The following RBMS3 variants were observed in gnomAD, a reference collection of about 807,000 sequenced individuals.
RBMS3 encodes RNA binding motif single stranded interacting protein 3, also known as RNA-binding motif, single-stranded-interacting protein 3.
A neutral mutation model predicts 66.8 loss-of-function variants in RBMS3; 27 were observed. The ratio of observed to expected loss-of-function variants is 0.40; its 90% CI spans 0.30 to 0.56. RBMS3 has a LOEUF of 0.56. Among genes scored for constraint, RBMS3 ranks in the 20% least tolerant of loss-of-function variants. The pLI, the probability that RBMS3 is intolerant of heterozygous loss-of-function variation, is 0.40. For synonymous variants in RBMS3, 188 were observed against 183.0 expected, an observed-to-expected ratio of 1.03 and a Z score of -0.22; for missense variants, 513 against 549.5, an observed-to-expected ratio of 0.93 and a Z score of 0.66.
At chr3:29,379,875 C>T (rs2125621145) in intron 1 of RBMS3, among the ~76,000 whole-genome samples, 1 of 152,048 alleles carries the variant, frequency 6.6e-6, no homozygotes, top group South Asian at 2.1e-4. Flanking sequence ...GATCAGAGCT[C>T]TAAAGGAAAT....
At position 29,638,732 on chromosome 3, in the gene RBMS3, C is replaced by T. The variant is rs186894311; in HGVS notation, c.399+51527C>T. 1.2e-4 allele frequency among the ~76,000 whole-genome samples: 18 copies of T among 151,980 alleles called. 1 individual carries two copies. Among genetic ancestry groups the T allele is most frequent in the African/African-American group, 4.3e-4 (18 of 41,520 alleles). On this transcript the variant is annotated intron_variant, in intron 4 of 14. Transcript: ENST00000383767. Reference sequence around the variant, plus strand: ...TCTGCAAGGAAGATACAGGCCAACACATCCCGTAATTTCTCCTACTCTAAA... The same window carrying T: ...TCTGCAAGGAAGATACAGGCCAACATATCCCGTAATTTCTCCTACTCTAAA...
intron 12 of RBMS3, among the ~76,000 whole-genome samples, chr3:29,969,555 C>G (rs1697087882): frequency 6.6e-6 from 1 of 152,212 alleles, no homozygotes; most frequent in Non-Finnish European, 1.5e-5. Flanking sequence ...TAAGCTTACA[C>G]TACACCATGC....
intron 4 of RBMS3, among the ~76,000 whole-genome samples, chr3:29,677,704 T>C (rs2051314676): frequency 6.6e-6 from 1 of 152,184 alleles, no homozygotes; most frequent in African/African-American, 2.4e-5. Flanking sequence ...TGTCCTTTTC[T>C]TCTTTTTATT....
At chr3:29,940,911 T>C (rs922600344) in intron 11 of RBMS3, among the ~76,000 whole-genome samples, 4 of 151,834 alleles carry the variant, frequency 2.6e-5, no homozygotes, top group African/African-American at 9.7e-5. Flanking sequence ...ATCCATAACT[T>C]CTTATCACTT....
At chr3:29,629,874 G>C (rs1259346644) in intron 4 of RBMS3, among the ~76,000 whole-genome samples, 1 of 151,974 alleles carries the variant, frequency 6.6e-6, no homozygotes, top group African/African-American at 2.4e-5. Context: ...ATATCTTCCA[G>C]TACAAATCTT....
intron 8 of RBMS3, among the ~76,000 whole-genome samples, chr3:29,889,305 C>T (rs753548573): frequency 5.3e-5 from 8 of 151,556 alleles, no homozygotes; most frequent in East Asian, 1.9e-4. Context: ...TCAGTAACTA[C>T]GTAATAATAT....
intron 4 of RBMS3, among the ~76,000 whole-genome samples, chr3:29,666,668 T>C (rs889897115): frequency 1.3e-5 from 2 of 152,068 alleles, no homozygotes; most frequent in Non-Finnish European, 2.9e-5. Context: ...TCTATTAAGT[T>C]AATATTAATA....
chr3:29,930,392 G>A (rs1211365509), intron 10 of RBMS3, among the ~76,000 whole-genome samples: 2 of 151,872 alleles, frequency 1.3e-5, no homozygotes, highest in African/African-American at 4.8e-5. Flanking sequence ...GATTACAGGC[G>A]TGAGCCACTG....
intron 1 of RBMS3, among the ~76,000 whole-genome samples, chr3:29,315,865 A>G (rs2034642390): frequency 6.6e-6 from 1 of 151,766 alleles, no homozygotes; most frequent in African/African-American, 2.4e-5. Flanking sequence ...ACTATCACTG[A>G]CACAGCTCTA....
chr3:29,968,867 A>G (rs903704249), intron 12 of RBMS3, among the ~76,000 whole-genome samples: 2 of 152,184 alleles, frequency 1.3e-5, no homozygotes, highest in East Asian at 3.9e-4. Flanking sequence ...TCCGTCCACC[A>G]TGATACCTGA....
At chr3:29,358,936 G>C (rs919202260) in intron 1 of RBMS3, among the ~76,000 whole-genome samples, 3 of 152,164 alleles carry the variant, frequency 2.0e-5, no homozygotes, top group Admixed American at 6.5e-5. Context: ...TCAGCTTAAG[G>C]AGATTTTGGG....
At chr3:29,541,767 G>A (rs964585925) in intron 3 of RBMS3, among the ~76,000 whole-genome samples, 2 of 152,040 alleles carry the variant, frequency 1.3e-5, no homozygotes, top group Non-Finnish European at 2.9e-5. Flanking sequence ...TACATCTTCT[G>A]TCCCCCACCT....
chr3:29,783,387 C>A (rs904840161), intron 6 of RBMS3, among the ~76,000 whole-genome samples: 5 of 152,214 alleles, frequency 3.3e-5, no homozygotes, highest in Non-Finnish European at 5.9e-5. Context: ...GGATTGGGGT[C>A]CTATTTTTAG....
intron 1 of RBMS3, among the ~76,000 whole-genome samples, chr3:29,383,007 T>C (rs2038841076): frequency 6.6e-6 from 1 of 152,230 alleles, no homozygotes; most frequent in South Asian, 2.1e-4. Context: ...ACTTGTTCAA[T>C]GGGTCAGGTG....
At chr3:29,727,268 A>G (rs2053925015) in intron 4 of RBMS3, among the ~76,000 whole-genome samples, 1 of 152,216 alleles carries the variant, frequency 6.6e-6, no homozygotes, top group African/African-American at 2.4e-5. Context: ...AAACCCTAGA[A>G]GAAAACCTAG....
chr3:29,510,294 GACCAGTC>G (rs1349160844), intron 3 of RBMS3, among the ~76,000 whole-genome samples: 13 of 152,190 alleles, frequency 8.5e-5, no homozygotes, highest in African/African-American at 3.1e-4. Context: ...ACACCAAGAA[GACCAGTC>G]ACTTTACTCT....
intron 1 of RBMS3, among the ~76,000 whole-genome samples, chr3:29,309,612 G>C (rs917597613): frequency 6.6e-6 from 1 of 151,496 alleles, no homozygotes; most frequent in Non-Finnish European, 1.5e-5. Flanking sequence ...GCAGTGGTGG[G>C]GGGGGCGGTG....
chr3:29,466,729 T>C (rs556354391), intron 2 of RBMS3, among the ~76,000 whole-genome samples: 5 of 152,236 alleles, frequency 3.3e-5, no homozygotes, highest in Admixed American at 1.3e-4. Flanking sequence ...CACCCACACA[T>C]AGAGCTCAAC....
chr3:29,293,446 G>T (rs2032985300), intron 1 of RBMS3, among the ~76,000 whole-genome samples: 2 of 151,782 alleles, frequency 1.3e-5, no homozygotes, highest in South Asian at 4.1e-4. Context: ...TTGAGGGTAT[G>T]GGTGCAGTCA....
Sources: gnomAD v4.1 joint callset for allele counts (sites outside exome capture counted in the v4.1 genomes callset) on GRCh38, gnomAD v4.1.1 for gene constraint, MANE v1.5 for transcripts, NCBI Gene and HGNC (gene_info 2026-07-23, HGNC 2026-07-21) for gene names.